MED9: variants seen among roughly 807,000 people sequenced by gnomAD.
MED9 encodes the protein mediator complex subunit 9, also known as mediator of RNA polymerase II transcription subunit 9.
Under a neutral mutation model 13.2 loss-of-function variants are expected in MED9, and 8 were observed. The ratio of observed to expected loss-of-function variants is 0.61; its 90% CI spans 0.36 to 1.10. The LOEUF (loss-of-function observed/expected upper bound fraction) is 1.10, where lower values mean the gene tolerates loss of function less well. MED9 is among the 50% of genes least tolerant of loss of function. The pLI is 0.02. For missense variants in MED9, 180 were observed against 193.4 expected (o/e 0.93, Z 0.41); for synonymous variants, 87 against 82.8 (o/e 1.05, Z -0.28).
chr17:17,492,264 T>C lies in MED9; in HGVS notation c.*769T>C, dbSNP rs534153090. Reference sequence around the variant, plus strand: ...CAAACCGCTTCACATCTGCAGTGCTTCCCCAGGGTTGACAAGGGGCCGTCC... The same window carrying C: ...CAAACCGCTTCACATCTGCAGTGCTCCCCCAGGGTTGACAAGGGGCCGTCC... On this transcript the variant is annotated 3_prime_UTR_variant, in exon 2 of 2. Coordinates refer to ENST00000268711, the MANE Select transcript of MED9 (RefSeq NM_018019.3). The C allele has an allele frequency of 6.6e-6, 1 of 152,582 alleles. No homozygotes were observed. Among genetic ancestry groups the C allele is most frequent in the East Asian group, 1.9e-4 (1 of 5,180 alleles). The allele number at this position is 152,582 out of a possible 1,614,324, so 9.5% of individuals were successfully genotyped here. A position where few individuals can be genotyped will look rare whatever the true frequency, so the allele number is the denominator to read the frequency against.
intron 1 of MED9, 106 bp downstream of exon 1, chr17:17,477,371 A>C: frequency 7.9e-7 from 1 of 1,258,468 alleles, no homozygotes. Flanking sequence ...CCCCCGTTTC[A>C]CAGATGGGGA....
chr17:17,490,844 A>G (rs1037286078), intron 1 of MED9, among the ~76,000 whole-genome samples: 6 of 152,178 alleles, frequency 3.9e-5, no homozygotes, highest in African/African-American at 1.4e-4. Context: ...TTTGTTTGGC[A>G]TTTGTCACCT....
intron 1 of MED9, among the ~76,000 whole-genome samples, chr17:17,484,057 A>G (rs1353058162): frequency 6.6e-6 from 1 of 152,192 alleles, no homozygotes; most frequent in Non-Finnish European, 1.5e-5. Context: ...TTAAAAATGC[A>G]TCATAAAGGA....
At position 17,491,254 on chromosome 17, in the gene MED9, G is replaced by C. The variant is rs747425162; in HGVS notation, c.225-25G>C. ...CCAAGACGTGTATCAAGCTGTGAAT[G>C]CTAACAGCTGTTCTTCCCCCACAGC... On this transcript the variant is annotated intron_variant, in intron 1 of 1. Transcript: ENST00000268711. 3 of 1,592,170 alleles carry C rather than the reference G, an allele frequency of 1.9e-6. No homozygotes were observed. In the South Asian group the frequency reaches 3.3e-5, roughly 18 times the overall value.
At chr17:17,486,922 ACT>A (rs1429690411) in intron 1 of MED9, 3 of 152,056 alleles carry the variant, frequency 2.0e-5, no homozygotes, top group Non-Finnish European at 4.4e-5. Context: ...ACCAATCTAC[ACT>A]CTGTATCTAG....
Position 17,482,752 on chromosome 17 carries a change from C to A in MED9, c.224+5487C>A, listed in dbSNP as rs77199448. ...AGAACTTTCATGGTTCCATTTTTTACTTGTAATTCTTTGAGGCTCCTGGAA... is the reference window on the plus strand; with the variant it reads ...AGAACTTTCATGGTTCCATTTTTTAATTGTAATTCTTTGAGGCTCCTGGAA... On this transcript the variant is annotated intron_variant, in intron 1 of 1. Coordinates refer to ENST00000268711, the MANE Select transcript of MED9 (RefSeq NM_018019.3). Among the ~76,000 whole-genome samples the A allele has an allele frequency of 7.5e-3, 1,148 of 152,222 alleles. 7 individuals are homozygous for A. The highest frequency in any genetic ancestry group is 0.013 in the Non-Finnish European group (891 of 67,994).
In MED9 at chr17:17,493,079, G is replaced by A. The variant is rs1264306955; in HGVS notation, c.*1584G>A. 6.6e-6 allele frequency: 1 copy of A among 152,200 alleles called. No individual in the cohort carries two copies. Among genetic ancestry groups the A allele is most frequent in the Admixed American group, 6.5e-5 (1 of 15,284 alleles). The allele number at this position is 152,200 out of a possible 1,614,324, so 9.4% of individuals were successfully genotyped here. A position where few individuals can be genotyped will look rare whatever the true frequency, so the allele number is the denominator to read the frequency against. On this transcript the variant is annotated 3_prime_UTR_variant, in exon 2 of 2. Coordinates refer to ENST00000268711, the MANE Select transcript of MED9 (RefSeq NM_018019.3). Reference sequence around the variant, plus strand: ...AGCACGTGGAACTACAAGACCCCCGGGGTCTTTCTGAGTGCAAGGCTGAAA... The same window carrying A: ...AGCACGTGGAACTACAAGACCCCCGAGGTCTTTCTGAGTGCAAGGCTGAAA...
chr17:17,477,189 C>T lies in MED9; in HGVS notation c.148C>T (p.Arg50Trp), dbSNP rs368952311. The change falls in exon 1 of 2, where the codon CGG becomes TGG. Residue 50 changes from arginine (R) to tryptophan (W), a missense_variant. By Grantham distance (101) the Arg-to-Trp change is moderately radical. Transcript: ENST00000268711. ...TCAACCGCAGCAGTCGCCGGCGCCA[C>T]GGCCTCAGTCACCTGCCCGCGCGAG... ...APQPQQSPAP[R>W]PQSPARAREE... is the part of the protein sequence containing the mutation. The T allele has an allele frequency of 3.1e-6, 5 of 1,610,388 alleles. No individual in the cohort carries two copies. In the African/African-American group the frequency reaches 5.3e-5, roughly 17 times the overall value.
At position 17,491,683 on chromosome 17, in the gene MED9, G is replaced by A. The variant is rs1291722864; in HGVS notation, c.*188G>A. On this transcript the variant is annotated 3_prime_UTR_variant, in exon 2 of 2. Transcript: ENST00000268711. ...AGCCAGCGCAGAGCTTGGCTGCGCC[G>A]GGGGTTCCTCGTGTAGATCCATATG... 11 of 607,722 alleles carry A rather than the reference G, an allele frequency of 1.8e-5. No homozygotes were observed. The highest frequency in any genetic ancestry group is 1.5e-4 in the Admixed American group (5 of 34,120). The allele number at this position is 607,722 out of a possible 1,614,324, so 37.6% of individuals were successfully genotyped here.
chr17:17,491,210 G>C (rs1905220450), intron 1 of MED9, 69 bp from the exon 2 acceptor site: 11 of 1,397,148 alleles, frequency 7.9e-6, no homozygotes, highest in Non-Finnish European at 1.1e-5. Context: ...CCAGCTCTAG[G>C]GGGTGCAGGG....
chr17:17,487,785 G>A (rs565251532), intron 1 of MED9: 15 of 152,450 alleles, frequency 9.8e-5, no homozygotes, highest in African/African-American at 2.6e-4. Context: ...CCCATGAATA[G>A]CCAGGGTAAT....
rs147636121 is a variant in MED9, at chr17:17,477,161, G to T, written c.120G>T (p.Ala40=). 1.2e-6 allele frequency: 2 copies of T among 1,609,520 alleles called. No homozygotes were observed. Among genetic ancestry groups the T allele is most frequent in the South Asian group, 1.1e-5 (1 of 90,694 alleles). ...LPPPQPPPVP[A]PQPQQSPAPR... is the part of the protein sequence containing the mutation. Reference sequence around the variant, plus strand: ...CTCCTCAGCCGCCGCCGGTCCCTGCGCCTCAACCGCAGCAGTCGCCGGCGC... The same window carrying T: ...CTCCTCAGCCGCCGCCGGTCCCTGCTCCTCAACCGCAGCAGTCGCCGGCGC... Residue 40 remains alanine (A), a synonymous_variant, in exon 1 of 2, where the codon GCG becomes GCT. Coordinates refer to ENST00000268711, the MANE Select transcript of MED9 (RefSeq NM_018019.3).
In MED9 at chr17:17,491,619, G is replaced by C; in HGVS notation, c.*124G>C. The C allele has an allele frequency of 2.1e-6, 2 of 956,672 alleles. No individual in the cohort carries two copies. Among genetic ancestry groups the C allele is most frequent in the Non-Finnish European group, 3.2e-6 (2 of 633,378 alleles). The allele number at this position is 956,672 out of a possible 1,614,324, so 59.3% of individuals were successfully genotyped here. A position where few individuals can be genotyped will look rare whatever the true frequency, so the allele number is the denominator to read the frequency against. ...GCTCAGCTCGTCAAGCTGCAGGGGC[G>C]GGGCTCCTGTGCTGCTGCGCGCGCT... On this transcript the variant is annotated 3_prime_UTR_variant, in exon 2 of 2. Coordinates refer to ENST00000268711, the MANE Select transcript of MED9 (RefSeq NM_018019.3).
chr17:17,482,896 CAT>C lies in MED9; in HGVS notation c.224+5632_224+5633del, dbSNP rs561492274. Among the ~76,000 whole-genome samples the C allele has an allele frequency of 2.6e-4, 40 of 152,348 alleles. No individual in the cohort carries two copies. In the South Asian group the frequency reaches 6.0e-3, roughly 23 times the overall value. On this transcript the variant is annotated intron_variant, in intron 1 of 1. Transcript: ENST00000268711. ...ACCTTTACCATGCACTGAATTCCCACATGTTTTCTGATCTACTTATGGACATT... is the reference window on the plus strand; with the variant it reads ...ACCTTTACCATGCACTGAATTCCCACGTTTTCTGATCTACTTATGGACATT...
intron 1 of MED9, among the ~76,000 whole-genome samples, chr17:17,488,853 A>G (rs1197051524): frequency 6.6e-6 from 1 of 152,022 alleles, no homozygotes; most frequent in African/African-American, 2.4e-5. Context: ...AGAAAAAAAG[A>G]AACCACAGTA....
At chr17:17,485,227 G>T (rs1041153297) in intron 1 of MED9, 8 of 393,878 alleles carry the variant, frequency 2.0e-5, no homozygotes, top group African/African-American at 4.1e-5. Context: ...ACAGGGTTTC[G>T]TCTCTGTCTA....
chr17:17,477,092 G>T lies in MED9; in HGVS notation c.51G>T (p.Pro17=), dbSNP rs768348546. 7.5e-6 allele frequency: 12 copies of T among 1,606,548 alleles called. No individual in the cohort carries two copies. ...GGCGACAGGCGGAGGATGTATTGCCGCCAACGTCCGACCAGCCGCTGCCTG... is the reference window on the plus strand; with the variant it reads ...GGCGACAGGCGGAGGATGTATTGCCTCCAACGTCCGACCAGCCGCTGCCTG... ...AAGRQAEDVL[P]PTSDQPLPDT... is the part of the protein sequence containing the mutation. Residue 17 remains proline (P), a synonymous_variant, in exon 1 of 2, where the codon CCG becomes CCT. Transcript: ENST00000268711.
intron 1 of MED9, among the ~76,000 whole-genome samples, chr17:17,482,447 A>C (rs1041328611): frequency 2.6e-5 from 4 of 152,010 alleles, no homozygotes; most frequent in African/African-American, 9.7e-5. Flanking sequence ...TTTATATGTC[A>C]CTTTTATTTT....
chr17:17,477,381 A>G, intron 1 of MED9, 116 bp downstream of exon 1: 11 of 1,185,422 alleles, frequency 9.3e-6, no homozygotes, highest in Non-Finnish European at 1.3e-5. Flanking sequence ...ACAGATGGGG[A>G]AACTCAGACC....
Sources: gnomAD v4.1 joint callset for allele counts (sites outside exome capture counted in the v4.1 genomes callset) on GRCh38, gnomAD v4.1.1 for gene constraint, MANE v1.5 for transcripts, NCBI Gene and HGNC (gene_info 2026-07-23, HGNC 2026-07-21) for gene names.